RGS5: variants seen among roughly 807,000 people sequenced by gnomAD.
RGS5 encodes regulator of G protein signaling 5.
RGS5 carries 20 observed loss-of-function variants against 18.9 expected under a neutral mutation model. That is an observed-to-expected ratio of 1.06 (90% CI 0.74 to 1.54). The LOEUF (loss-of-function observed/expected upper bound fraction) is 1.54. Ranked by LOEUF, RGS5 falls within the 40% of genes most tolerant of loss-of-function variation. The probability of loss-of-function intolerance (pLI) is 0.00; values close to 1 mark genes in which losing one functional copy is unlikely to be tolerated. For missense variants in RGS5, 201 were observed against 211.8 expected, an observed-to-expected ratio of 0.95 and a Z score of 0.32; for synonymous variants, 57 against 76.2, an observed-to-expected ratio of 0.75 and a Z score of 1.31.
chr1:163,277,570 A>G (rs1648888434), intron 2 of RGS5, among the ~76,000 whole-genome samples: 2 of 152,154 alleles, frequency 1.3e-5, no homozygotes. Context: ...AAAATGTTAT[A>G]TAAACTGGGT....
chr1:163,243,825 C>A (rs1418447106), intron 2 of RGS5, among the ~76,000 whole-genome samples: 2 of 148,956 alleles, frequency 1.3e-5, no homozygotes, highest in African/African-American at 2.5e-5. Context: ...CACACACACA[C>A]ACACATACAC....
chr1:163,143,575 T>C lies in RGS5; in HGVS notation c.*3767A>G, dbSNP rs1657007134. Reference sequence around the variant, plus strand: ...CAGTTTCAACCAAGCTGAGCTGCTCTTAAATATTTGTAGCAAAGGGATTAC... The same window carrying C: ...CAGTTTCAACCAAGCTGAGCTGCTCCTAAATATTTGTAGCAAAGGGATTAC... On this transcript the variant is annotated 3_prime_UTR_variant, in exon 5 of 5. Transcript: ENST00000313961. 1.3e-5 allele frequency: 2 copies of C among 152,192 alleles called. No homozygotes were observed. Among genetic ancestry groups the C allele is most frequent in the Admixed American group, 1.3e-4 (2 of 15,266 alleles). The allele number at this position is 152,192 out of a possible 1,614,324, so 9.4% of individuals were successfully genotyped here.
intron 2 of RGS5, among the ~76,000 whole-genome samples, chr1:163,281,309 A>G (rs1397394971): frequency 6.6e-6 from 1 of 152,192 alleles, no homozygotes; most frequent in Non-Finnish European, 1.5e-5. Context: ...TAATTTATAA[A>G]GAAAAAAAGG....
chr1:163,272,602 C>A (rs534127063), intron 2 of RGS5, among the ~76,000 whole-genome samples: 1 of 151,950 alleles, frequency 6.6e-6, no homozygotes, highest in East Asian at 1.9e-4. Context: ...AAGGTAGGGG[C>A]CTAAGTTTTT....
upstream of RGS5, among the ~76,000 whole-genome samples, chr1:163,204,309 CCACACACACACA>C (rs10616125): frequency 2.8e-5 from 4 of 145,004 alleles, no homozygotes; most frequent in South Asian, 2.2e-4. Context: ...TGGCTCTAAA[CCACACACACACA>C]CACACACACA....
At chr1:163,251,095 C>A (rs1290489568) in intron 2 of RGS5, among the ~76,000 whole-genome samples, 2 of 152,080 alleles carry the variant, frequency 1.3e-5, no homozygotes, top group Non-Finnish European at 2.9e-5. Context: ...TCTAGTAATA[C>A]ATTTTATAAT....
At chr1:163,217,238 C>T (rs1353569525) in intron 1 of RGS5, among the ~76,000 whole-genome samples, 1 of 152,042 alleles carries the variant, frequency 6.6e-6, no homozygotes, top group Non-Finnish European at 1.5e-5. Context: ...TCTAAAATAA[C>T]AGTTAAAAAA....
chr1:163,310,691 C>T (rs1371853357), intron 1 of RGS5, among the ~76,000 whole-genome samples: 1 of 151,374 alleles, frequency 6.6e-6, no homozygotes, highest in Admixed American at 6.6e-5. Context: ...GCAAGATTTT[C>T]TGCATAATCT....
At chr1:163,246,220 TAAA>T (rs34509210) in intron 2 of RGS5, among the ~76,000 whole-genome samples, 1 of 127,396 alleles carries the variant, frequency 7.8e-6, no homozygotes, top group African/African-American at 3.0e-5. Flanking sequence ...GACTCCATCT[TAAA>T]AAAAAAAAAA....
At chr1:163,217,274 A>G (rs1217467826) in intron 1 of RGS5, among the ~76,000 whole-genome samples, 1 of 152,122 alleles carries the variant, frequency 6.6e-6, no homozygotes, top group African/African-American at 2.4e-5. Flanking sequence ...TGTTCAGTTC[A>G]CCTTCCCTTT....
chr1:163,186,363 C>A (rs1190273682), intron 1 of RGS5, among the ~76,000 whole-genome samples: 1 of 151,868 alleles, frequency 6.6e-6, no homozygotes, highest in Non-Finnish European at 1.5e-5. Flanking sequence ...GCCACTGCGC[C>A]CAGCCCCATT....
intron 1 of RGS5, among the ~76,000 whole-genome samples, chr1:163,208,242 G>A (rs1390988686): frequency 7.0e-5 from 9 of 128,466 alleles, no homozygotes; most frequent in Non-Finnish European, 9.7e-5. Flanking sequence ...CAGCTACTCC[G>A]GAGGCTGAGG....
intron 2 of RGS5, among the ~76,000 whole-genome samples, chr1:163,282,198 T>C (rs1649012832): frequency 6.6e-6 from 1 of 152,118 alleles, no homozygotes; most frequent in African/African-American, 2.4e-5. Flanking sequence ...GACAAGCGAC[T>C]ATCAATATCC....
At chr1:163,321,049 T>G (rs544105810) in intron 1 of RGS5, among the ~76,000 whole-genome samples, 2 of 152,302 alleles carry the variant, frequency 1.3e-5, no homozygotes, top group South Asian at 4.1e-4. Flanking sequence ...CTGCCATGGC[T>G]TCCTAACTTG....
intron 1 of RGS5, among the ~76,000 whole-genome samples, chr1:163,191,271 T>C (rs988246980): frequency 3.9e-5 from 6 of 152,036 alleles, no homozygotes; most frequent in Non-Finnish European, 7.4e-5. Flanking sequence ...AAATGGGTCT[T>C]GACAGGAATA....
chr1:163,157,269 G>A (rs1220824652), intron 3 of RGS5, among the ~76,000 whole-genome samples: 1 of 152,168 alleles, frequency 6.6e-6, no homozygotes, highest in African/African-American at 2.4e-5. Context: ...AAACTCCCAT[G>A]TGAATTCTAT....
At position 163,262,727 on chromosome 1, in the gene RGS5, C is replaced by T. The variant is rs532526032; in HGVS notation, c.-281+43506G>A. ...TTCTAGTTCTAGATCCCTGAGGAAT[C>T]GCCACACTGACTTCCACAATGGTTG... On this transcript the variant is annotated intron_variant, in intron 2 of 5. Transcript: ENST00000618415. Among the ~76,000 whole-genome samples the T allele has an allele frequency of 1.0e-4, 15 of 147,088 alleles. No homozygotes were observed. The South Asian group carries it at 2.0e-3, about 20-fold the overall frequency.
chr1:163,278,803 A>T (rs746591683), intron 2 of RGS5, among the ~76,000 whole-genome samples: 15 of 152,050 alleles, frequency 9.9e-5, no homozygotes, highest in Non-Finnish European at 2.1e-4. Flanking sequence ...CCTACAAGAA[A>T]CTCACTTCTC....
intron 2 of RGS5, chr1:163,238,535 G>A (rs1041988130): frequency 2.5e-5 from 4 of 157,336 alleles, no homozygotes; most frequent in African/African-American, 7.2e-5. Context: ...AACTTAGCTA[G>A]ACCTTCCTCC....
Sources: gnomAD v4.1 joint callset for allele counts (sites outside exome capture counted in the v4.1 genomes callset) on GRCh38, gnomAD v4.1.1 for gene constraint, MANE v1.5 for transcripts, NCBI Gene and HGNC (gene_info 2026-07-23, HGNC 2026-07-21) for gene names.